TM9SF4: variants seen among roughly 807,000 people sequenced by gnomAD.
TM9SF4 encodes the protein transmembrane 9 superfamily member 4.
Under a neutral mutation model 90.4 loss-of-function variants are expected in TM9SF4, and 26 were observed. The ratio of observed to expected loss-of-function variants is 0.29; its 90% CI spans 0.21 to 0.40. The LOEUF is 0.40. Among genes scored for constraint, TM9SF4 ranks in the 10% least tolerant of loss-of-function variants. The pLI, the probability that TM9SF4 is intolerant of heterozygous loss-of-function variation, is 1.00. For synonymous variants in TM9SF4, 293 were observed against 315.4 expected, an observed-to-expected ratio of 0.93 and a Z score of 0.75; for missense variants, 549 against 834.8, an observed-to-expected ratio of 0.66 and a Z score of 4.22.
At chr20:32,161,018 G>C (rs2047010361) in intron 16 of TM9SF4, 1 of 276,664 alleles carries the variant, frequency 3.6e-6, no homozygotes, top group African/African-American at 2.3e-5. Flanking sequence ...CTCGAGAAAT[G>C]TTAATTATTT....
Position 32,159,989 on chromosome 20 carries a change from C to T in TM9SF4, c.1570-3C>T. ...CAGCTGAAGCCCCACTGTGTGTCCACAGGCTATCTGGGAGAATCAGTTCTA... is the reference window on the plus strand; with the variant it reads ...CAGCTGAAGCCCCACTGTGTGTCCATAGGCTATCTGGGAGAATCAGTTCTA... On this transcript the variant is annotated splice_region_variant and splice_polypyrimidine_tract_variant and intron_variant, in intron 15 of 17. Coordinates refer to ENST00000398022, the MANE Select transcript of TM9SF4 (RefSeq NM_014742.4). The T allele has an allele frequency of 6.2e-7, 1 of 1,614,246 alleles. No individual in the cohort carries two copies. Among genetic ancestry groups the T allele is most frequent in the Middle Eastern group, 1.7e-4 (1 of 6,060 alleles).
At chr20:32,142,545 C>T (rs1170096555) in intron 5 of TM9SF4, among the ~76,000 whole-genome samples, 1 of 152,172 alleles carries the variant, frequency 6.6e-6, no homozygotes, top group African/African-American at 2.4e-5. Context: ...TTTCACTGGC[C>T]ATTAATTGCA....
intron 1 of TM9SF4, chr20:32,116,555 T>G (rs558605792): frequency 1.3e-5 from 2 of 152,396 alleles, no homozygotes; most frequent in African/African-American, 4.8e-5. Context: ...ATTACAGCTT[T>G]GAGTCTTTCA....
At chr20:32,128,958 C>T (rs775733075) in intron 1 of TM9SF4, among the ~76,000 whole-genome samples, 1 of 152,000 alleles carries the variant, frequency 6.6e-6, no homozygotes, top group Non-Finnish European at 1.5e-5. Flanking sequence ...ATTACTCTAA[C>T]CTCAGTGTTC....
At chr20:32,150,101 A>G (rs545429282) in intron 10 of TM9SF4, among the ~76,000 whole-genome samples, 47 of 152,280 alleles carry the variant, frequency 3.1e-4, no homozygotes, top group African/African-American at 1.1e-3. Context: ...ATTGAAATCA[A>G]ATATTTTTTT....
intron 1 of TM9SF4, among the ~76,000 whole-genome samples, chr20:32,118,591 T>G (rs2046259682): frequency 6.7e-6 from 1 of 148,236 alleles, no homozygotes; most frequent in African/African-American, 2.5e-5. Context: ...CTAAATGTAT[T>G]TATTTTGTTG....
intron 1 of TM9SF4, among the ~76,000 whole-genome samples, chr20:32,110,650 C>T (rs2046129562): frequency 1.3e-5 from 2 of 152,182 alleles, no homozygotes; most frequent in South Asian, 4.1e-4. Context: ...CATTCCCCAA[C>T]ATGGCCACAC....
At position 32,165,735 on chromosome 20, in the gene TM9SF4, G is replaced by T; in HGVS notation, c.*291G>T. The T allele has an allele frequency of 2.8e-6, 1 of 352,942 alleles. No individual in the cohort carries two copies. The highest frequency in any genetic ancestry group is 5.3e-6 in the Non-Finnish European group (1 of 189,820). 21.9% of individuals were successfully genotyped at this position (352,942 alleles called of 1,614,324 possible). A position where few individuals can be genotyped will look rare whatever the true frequency, so the allele number is the denominator to read the frequency against. On this transcript the variant is annotated 3_prime_UTR_variant, in exon 18 of 18. Coordinates refer to ENST00000398022, the MANE Select transcript of TM9SF4 (RefSeq NM_014742.4). ...AACTCTCTGACCTGTTTATTCAGGT[G>T]TATTTCTGGTTTGGATTTTTTTTTC...
At chr20:32,139,108 T>C (rs552883402) in intron 3 of TM9SF4, among the ~76,000 whole-genome samples, 91 of 152,340 alleles carry the variant, frequency 6.0e-4, no homozygotes, top group Admixed American at 5.2e-3. Flanking sequence ...CTCCCTCTCC[T>C]GAGTGCCTCC....
At chr20:32,126,864 T>C (rs2046430367) in intron 1 of TM9SF4, among the ~76,000 whole-genome samples, 1 of 152,038 alleles carries the variant, frequency 6.6e-6, no homozygotes, top group Non-Finnish European at 1.5e-5. Flanking sequence ...GCCTCCCAGG[T>C]GGCTGGGATT....
intron 13 of TM9SF4, among the ~76,000 whole-genome samples, chr20:32,157,384 C>T (rs1293997232): frequency 6.6e-6 from 1 of 152,228 alleles, no homozygotes; most frequent in African/African-American, 2.4e-5. Context: ...CTCCTTTTTA[C>T]ACTTAATAGT....
chr20:32,141,404 T>C (rs2046675762), intron 3 of TM9SF4, 93 bp from the exon 4 acceptor site: 30 of 1,472,444 alleles, frequency 2.0e-5, no homozygotes, highest in Non-Finnish European at 2.7e-5. Context: ...TGAAAGCCCA[T>C]GTTTGCCCCG....
chr20:32,151,491 A>G (rs984348401), intron 12 of TM9SF4, among the ~76,000 whole-genome samples: 1 of 152,174 alleles, frequency 6.6e-6, no homozygotes, highest in Non-Finnish European at 1.5e-5. Flanking sequence ...GCCCACACTC[A>G]GAGAAGTCTC....
intron 12 of TM9SF4, among the ~76,000 whole-genome samples, chr20:32,151,175 A>G (rs6142622): frequency 0.35 from 52,837 of 151,942 alleles, 10,560 homozygotes; most frequent in East Asian, 0.72. Context: ...GGGATTCAGA[A>G]TAACAAGATT....
In TM9SF4 at chr20:32,141,862, C is replaced by T. The variant is rs536369781; in HGVS notation, c.495C>T (p.His165=). Residue 165 remains histidine (H), a synonymous_variant, in exon 5 of 18, where the codon CAC becomes CAT. Transcript: ENST00000398022. ...AGGAAAAAGATGTGCAGTTTGAACA[C>T]GGCTACCGGCTCGGCTTCACAGATG... ...KKKEKDVQFE[H]GYRLGFTDVN... 29 of 1,614,136 alleles carry T rather than the reference C, an allele frequency of 1.8e-5. No homozygotes were observed. Among genetic ancestry groups the T allele is most frequent in the East Asian group, 8.9e-5 (4 of 44,888 alleles).
rs1433330588 is a variant in TM9SF4 at position 32,138,229 on chromosome 20, G to A, written c.229+2056G>A. On this transcript the variant is annotated intron_variant, in intron 3 of 17. Transcript: ENST00000398022. ...GTTGTCACATTGATGGAGATCCATGGCATGGTGTATGTATTGGAGCAGCTT... is the reference window on the plus strand; with the variant it reads ...GTTGTCACATTGATGGAGATCCATGACATGGTGTATGTATTGGAGCAGCTT... 5.9e-5 allele frequency among the ~76,000 whole-genome samples: 9 copies of A among 152,166 alleles called. No homozygotes were observed. The East Asian group carries it at 1.7e-3, about 29-fold the overall frequency.
intron 1 of TM9SF4, among the ~76,000 whole-genome samples, chr20:32,131,473 G>C (rs2046510595): frequency 7.2e-6 from 1 of 138,368 alleles, no homozygotes; most frequent in African/African-American, 3.0e-5. Flanking sequence ...GTTTCACAGA[G>C]TCATCAGAGT....
At chr20:32,136,390 G>A (rs1341659621) in intron 3 of TM9SF4, among the ~76,000 whole-genome samples, 2 of 152,140 alleles carry the variant, frequency 1.3e-5, no homozygotes, top group East Asian at 1.9e-4. Context: ...TGTTTATACT[G>A]TGGGCAAAGG....
At chr20:32,118,777 A>G (rs1339835741) in intron 1 of TM9SF4, among the ~76,000 whole-genome samples, 1 of 152,086 alleles carries the variant, frequency 6.6e-6, no homozygotes, top group Non-Finnish European at 1.5e-5. Flanking sequence ...CTGTGACTAC[A>G]GGCAAGCACC....
Sources: allele counts gnomAD v4.1 joint callset (sites outside exome capture counted in the v4.1 genomes callset), GRCh38; gene constraint gnomAD v4.1.1; transcripts MANE v1.5; gene names NCBI Gene and HGNC (gene_info 2026-07-23, HGNC 2026-07-21).